Variants in CPEB3 observed in about 807,000 individuals in gnomAD.
CPEB3 encodes the protein cytoplasmic polyadenylation element binding protein 3, also known as cytoplasmic polyadenylation element-binding protein 3.
CPEB3 carries 20 observed loss-of-function variants against 67.2 expected under a neutral mutation model. The observed-to-expected ratio is 0.30, with a 90% CI of 0.21 to 0.43. The LOEUF is 0.43. Among genes scored for constraint, CPEB3 ranks in the 20% least tolerant of loss-of-function variants. CPEB3 has a pLI of 1.00. For synonymous variants in CPEB3, 376 were observed against 393.1 expected, an observed-to-expected ratio of 0.96 and a Z score of 0.51; for missense variants, 746 against 968.6, an observed-to-expected ratio of 0.77 and a Z score of 3.05.
intron 9 of CPEB3, among the ~76,000 whole-genome samples, chr10:92,053,620 C>T (rs951441862): frequency 6.6e-6 from 1 of 151,268 alleles, no homozygotes; most frequent in African/African-American, 2.4e-5. Context: ...CGGCTCACTG[C>T]AAGCTCCGCC....
chr10:92,173,217 C>T (rs1408973654), intron 4 of CPEB3, among the ~76,000 whole-genome samples: 1 of 152,108 alleles, frequency 6.6e-6, no homozygotes, highest in African/African-American at 2.4e-5. Flanking sequence ...GTCCAGTTTC[C>T]ACTGCCTATA....
intron 3 of CPEB3, among the ~76,000 whole-genome samples, chr10:92,182,888 T>C (rs1295053559): frequency 6.6e-6 from 1 of 150,384 alleles, no homozygotes; most frequent in Admixed American, 6.6e-5. Flanking sequence ...GCATCACTTA[T>C]ATTGGTGTGT....
chr10:92,247,039 CT>C (rs35414862), intron 1 of CPEB3, among the ~76,000 whole-genome samples: 2 of 152,098 alleles, frequency 1.3e-5, no homozygotes, highest in African/African-American at 2.4e-5. Context: ...CTAATCTCTG[CT>C]TTTTTTCCCC....
intron 4 of CPEB3, among the ~76,000 whole-genome samples, chr10:92,146,498 C>G (rs1846689088): frequency 6.6e-6 from 1 of 151,712 alleles, no homozygotes; most frequent in Non-Finnish European, 1.5e-5. Context: ...CTTTATTTCC[C>G]TGAAACCTAG....
Position 92,285,703 on chromosome 10 carries a change from C to G in CPEB3, c.-12+5223G>C, listed in dbSNP as rs149848557. ...GATAACTTCTTTCTTTACATCCTTT[C>G]ATTCTTACCCAGACCCAAGATCCTT... is the stretch of plus-strand genomic sequence containing the variant. On this transcript the variant is annotated intron_variant, in intron 1 of 9. Transcript: ENST00000265997. Among the ~76,000 whole-genome samples, 8 of 152,304 alleles carry G rather than the reference C, an allele frequency of 5.3e-5. No homozygotes were observed. In the East Asian group the frequency reaches 1.5e-3, roughly 29 times the overall value.
chr10:92,077,167 A>G (rs1368176253), intron 9 of CPEB3, among the ~76,000 whole-genome samples: 1 of 152,230 alleles, frequency 6.6e-6, no homozygotes, highest in Non-Finnish European at 1.5e-5. Flanking sequence ...AAGGAAATAC[A>G]AAAGTGCTTA....
chr10:92,050,004 T>C lies in CPEB3; in HGVS notation c.*2208A>G, dbSNP rs1243072470. On this transcript the variant is annotated 3_prime_UTR_variant, in exon 10 of 10. Coordinates refer to ENST00000265997, the MANE Select transcript of CPEB3 (RefSeq NM_014912.5). The stretch of plus-strand genomic sequence containing the variant: ...TTAGAAAATATCATTTTCTTTCCTA[T>C]ATTTCAAAATTGAGGTATTGCAAAA... The C allele has an allele frequency of 6.6e-6, 1 of 152,402 alleles. No homozygotes were observed. Among genetic ancestry groups the C allele is most frequent in the African/African-American group, 2.4e-5 (1 of 41,402 alleles). The allele number at this position is 152,402 out of a possible 1,614,324, so 9.4% of individuals were successfully genotyped here. A position where few individuals can be genotyped will look rare whatever the true frequency, so the allele number is the denominator to read the frequency against.
chr10:92,208,447 G>A (rs967889106), intron 2 of CPEB3, among the ~76,000 whole-genome samples: 2 of 152,130 alleles, frequency 1.3e-5, no homozygotes, highest in Non-Finnish European at 2.9e-5. Context: ...TTATGTAGAA[G>A]AAACTTGCTA....
At chr10:92,120,456 C>T (rs1000971368) in intron 6 of CPEB3, among the ~76,000 whole-genome samples, 233 of 151,836 alleles carry the variant, frequency 1.5e-3, no homozygotes, top group Non-Finnish European at 2.7e-3. Context: ...TGGTGGCGGG[C>T]GCCTATAGTC....
At chr10:92,052,670 A>G (rs975754535) in intron 9 of CPEB3, among the ~76,000 whole-genome samples, 1 of 152,214 alleles carries the variant, frequency 6.6e-6, no homozygotes, top group Non-Finnish European at 1.5e-5. Flanking sequence ...TGTTTGCTCT[A>G]TCACTGTATC....
At chr10:92,078,395 T>C (rs1452265014) in intron 9 of CPEB3, among the ~76,000 whole-genome samples, 10 of 152,222 alleles carry the variant, frequency 6.6e-5, no homozygotes, top group African/African-American at 2.2e-4. Context: ...TCGACCTGCC[T>C]TAAGAGAAGT....
chr10:92,232,053 ATTT>A (rs759526286), intron 2 of CPEB3, among the ~76,000 whole-genome samples: 1 of 131,508 alleles, frequency 7.6e-6, no homozygotes. Flanking sequence ...ACAAAGCATA[ATTT>A]TTTTTTTTTT....
At chr10:92,142,444 A>G (rs1846481588) in intron 6 of CPEB3, among the ~76,000 whole-genome samples, 1 of 152,226 alleles carries the variant, frequency 6.6e-6, no homozygotes, top group Non-Finnish European at 1.5e-5. Context: ...ATGACAAACT[A>G]TGAACAAAGC....
chr10:92,255,884 C>T (rs1852493604), intron 1 of CPEB3, among the ~76,000 whole-genome samples: 1 of 152,152 alleles, frequency 6.6e-6, no homozygotes, highest in Non-Finnish European at 1.5e-5. Flanking sequence ...ATTCTGCATA[C>T]TCTCCCTAAT....
At chr10:92,244,798 G>A (rs1851993381) in intron 1 of CPEB3, among the ~76,000 whole-genome samples, 1 of 152,074 alleles carries the variant, frequency 6.6e-6, no homozygotes, top group Non-Finnish European at 1.5e-5. Context: ...ATGATTCCAA[G>A]GCTGGAATCT....
chr10:92,167,945 G>C (rs1248448348), intron 4 of CPEB3, among the ~76,000 whole-genome samples: 1 of 151,782 alleles, frequency 6.6e-6, no homozygotes, highest in Admixed American at 6.6e-5. Context: ...TAACATTAAA[G>C]ATCACTGATC....
At chr10:92,217,738 G>A (rs1170678317) in intron 2 of CPEB3, among the ~76,000 whole-genome samples, 6 of 151,928 alleles carry the variant, frequency 3.9e-5, no homozygotes, top group African/African-American at 1.2e-4. Context: ...CTCCAGCCTG[G>A]GCAACAAGCG....
chr10:92,122,879 C>A (rs1485353916), intron 6 of CPEB3, among the ~76,000 whole-genome samples: 9 of 152,242 alleles, frequency 5.9e-5, no homozygotes, highest in Admixed American at 1.3e-4. Context: ...AGAGGTAGCT[C>A]TGCAGATAGA....
At chr10:92,262,676 G>A (rs1170308582) in intron 1 of CPEB3, among the ~76,000 whole-genome samples, 1 of 151,942 alleles carries the variant, frequency 6.6e-6, no homozygotes, top group Admixed American at 6.6e-5. Flanking sequence ...CAGAGATCTT[G>A]TCTCTTTTTT....
Sources: allele counts gnomAD v4.1 joint callset (sites outside exome capture counted in the v4.1 genomes callset), GRCh38; gene constraint gnomAD v4.1.1; transcripts MANE v1.5; gene names NCBI Gene and HGNC (gene_info 2026-07-23, HGNC 2026-07-21).